The following USP14 variants were observed in gnomAD, a reference collection of about 807,000 sequenced individuals.
The protein encoded by USP14 is ubiquitin specific peptidase 14.
A neutral mutation model predicts 76.5 loss-of-function variants in USP14; 38 were observed. The observed-to-expected ratio is 0.50, with a 90% CI of 0.38 to 0.65. The LOEUF (loss-of-function observed/expected upper bound fraction) is 0.65. Among genes scored for constraint, USP14 ranks in the 30% least tolerant of loss-of-function variants. USP14 has a pLI of 0.00. For missense variants in USP14, 467 were observed against 586.5 expected (o/e 0.80, Z 2.10); for synonymous variants, 192 against 191.7 (o/e 1.00, Z -0.01).
intron 5 of USP14, among the ~76,000 whole-genome samples, chr18:181,003 C>T (rs1435164759): frequency 1.3e-5 from 2 of 151,574 alleles, no homozygotes; most frequent in South Asian, 2.1e-4. Context: ...TTACAGCACA[C>T]GTAACACCTC....
chr18:186,089 A>G (rs1160833709), intron 5 of USP14, among the ~76,000 whole-genome samples: 1 of 152,116 alleles, frequency 6.6e-6, no homozygotes. Flanking sequence ...TTTGATATTC[A>G]CTTTTTCTCA....
chr18:191,290 A>T (rs2086871796), intron 5 of USP14, among the ~76,000 whole-genome samples: 1 of 152,194 alleles, frequency 6.6e-6, no homozygotes, highest in Non-Finnish European at 1.5e-5. Context: ...GAGTCACATC[A>T]GTTTCCGAAA....
At chr18:178,084 G>A (rs1418551216) in intron 3 of USP14, among the ~76,000 whole-genome samples, 1 of 152,126 alleles carries the variant, frequency 6.6e-6, no homozygotes, top group East Asian at 1.9e-4. Flanking sequence ...CAAGTGGTGT[G>A]ATCACAGCTC....
At chr18:172,374 C>T (rs1909488524) in intron 3 of USP14, among the ~76,000 whole-genome samples, 1 of 151,728 alleles carries the variant, frequency 6.6e-6, no homozygotes, top group African/African-American at 2.4e-5. Flanking sequence ...AGACTCTACT[C>T]CTAGTGAAGA....
intron 3 of USP14, among the ~76,000 whole-genome samples, chr18:171,025 A>AATATATATATATATATATAT (rs57888885): frequency 1.6e-3 from 75 of 47,578 alleles, no homozygotes; most frequent in East Asian, 4.6e-3. Context: ...AAAAAAAAAA[A>AATATATATATATATATATAT]ATATATATAT....
intron 10 of USP14, among the ~76,000 whole-genome samples, chr18:201,246 T>G (rs1172860961): frequency 1.3e-5 from 2 of 152,226 alleles, no homozygotes; most frequent in Non-Finnish European, 2.9e-5. Flanking sequence ...GTTGATCCTC[T>G]TTGCTGTCTC....
intron 13 of USP14, among the ~76,000 whole-genome samples, 169 bp downstream of exon 13, chr18:204,861 A>G (rs1487880360): frequency 6.6e-6 from 1 of 151,616 alleles, no homozygotes; most frequent in Non-Finnish European, 1.5e-5. Flanking sequence ...CATCCTCCAT[A>G]TATCAGTGCA....
At chr18:175,143 A>G (rs560328639) in intron 3 of USP14, among the ~76,000 whole-genome samples, 9 of 152,282 alleles carry the variant, frequency 5.9e-5, no homozygotes, top group Admixed American at 3.9e-4. Context: ...TTTATAATTG[A>G]CTTTGTATCC....
Position 158,702 on chromosome 18 carries a change from C to A in USP14, c.4C>A (p.Pro2Thr). Residue 2 changes from proline (P) to threonine (T), a missense_variant, in exon 1 of 16, where the codon CCG becomes ACG. Physicochemically the swap from Pro to Thr is conservative, Grantham distance 38. Transcript: ENST00000261601. ...CCGCCTCCCGCCGCGCCCCGCCATG[C>A]CGCTCTACTCCGGTGAGCCCTGTCC... is the stretch of plus-strand genomic sequence containing the variant. M[P>T]LYSVTVKWGK... 1 of 1,535,118 alleles carries A rather than the reference C, an allele frequency of 6.5e-7. No individual in the cohort carries two copies.
intron 3 of USP14, among the ~76,000 whole-genome samples, chr18:173,022 T>A (rs1438655428): frequency 6.6e-6 from 1 of 152,214 alleles, no homozygotes; most frequent in Non-Finnish European, 1.5e-5. Context: ...AATCTTCGCC[T>A]GTGCCAAGTT....
At chr18:196,022 C>T (rs989302468) in intron 6 of USP14, among the ~76,000 whole-genome samples, 1 of 151,704 alleles carries the variant, frequency 6.6e-6, no homozygotes, top group Admixed American at 6.6e-5. Flanking sequence ...AGAGTAGATA[C>T]ACTTAAAAAT....
At chr18:189,512 C>T (rs549122571) in intron 5 of USP14, among the ~76,000 whole-genome samples, 1 of 151,562 alleles carries the variant, frequency 6.6e-6, no homozygotes, top group Non-Finnish European at 1.5e-5. Flanking sequence ...GAGAAGGAGT[C>T]TCACTCTGCC....
At position 158,572 on chromosome 18, in the gene USP14, C is replaced by T; in HGVS notation, c.-127C>T. ...TGGCCGGTTTGAATGAGACTCGTCGCACCGAAGCCGCCGCCACCACCGCGC... is the reference window on the plus strand; with the variant it reads ...TGGCCGGTTTGAATGAGACTCGTCGTACCGAAGCCGCCGCCACCACCGCGC... On this transcript the variant is annotated 5_prime_UTR_variant, in exon 1 of 16. Transcript: ENST00000261601. 1 of 975,472 alleles carries T rather than the reference C, an allele frequency of 1.0e-6. No homozygotes were observed. The highest frequency in any genetic ancestry group is 1.5e-6 in the Non-Finnish European group (1 of 678,174). 60.4% of individuals were successfully genotyped at this position (975,472 alleles called of 1,614,324 possible).
At chr18:197,542 A>G (rs1468355552) in intron 7 of USP14, 74 bp from the exon 8 acceptor site, 177 of 1,185,426 alleles carry the variant, frequency 1.5e-4, no homozygotes, top group Non-Finnish European at 1.7e-4. Context: ...CCTAGGAGAC[A>G]GTGATTATTT....
rs1446661138 is a variant in USP14 at position 207,029 on chromosome 18, T to A, written c.1164+2337T>A. On this transcript the variant is annotated intron_variant, in intron 13 of 15. Coordinates refer to ENST00000261601, the MANE Select transcript of USP14 (RefSeq NM_005151.4). ...GTGGGTTCAGATTCATTGTTTTGCATGTGAATATCTGGTTGTCTCAGCACC... is the reference window on the plus strand; with the variant it reads ...GTGGGTTCAGATTCATTGTTTTGCAAGTGAATATCTGGTTGTCTCAGCACC... Among the ~76,000 whole-genome samples the A allele has an allele frequency of 2.0e-5, 3 of 146,698 alleles. 1 individual carries two copies. The highest frequency in any genetic ancestry group is 4.7e-5 in the Non-Finnish European group (3 of 64,412).
intron 3 of USP14, among the ~76,000 whole-genome samples, chr18:170,767 G>A (rs985391691): frequency 2.6e-5 from 4 of 151,854 alleles, no homozygotes; most frequent in African/African-American, 9.7e-5. Context: ...ACAGAAAACC[G>A]AACACCGCAT....
At chr18:176,178 CT>C (rs775227727) in intron 3 of USP14, among the ~76,000 whole-genome samples, 22 of 151,726 alleles carry the variant, frequency 1.4e-4, no homozygotes, top group South Asian at 4.1e-4. Flanking sequence ...AACATTTGGC[CT>C]GTTCATTTAT....
intron 5 of USP14, among the ~76,000 whole-genome samples, chr18:191,998 G>T (rs1449710779): frequency 7.2e-6 from 1 of 138,090 alleles, no homozygotes; most frequent in Non-Finnish European, 1.5e-5. Context: ...CCAGTTTGTT[G>T]TACTGTTGTA....
chr18:180,811 C>T (rs1314541007), intron 5 of USP14, among the ~76,000 whole-genome samples: 3 of 151,642 alleles, frequency 2.0e-5, no homozygotes, highest in East Asian at 3.9e-4. Context: ...TTACAGCACA[C>T]GTAACACCTC....
Sources: gnomAD v4.1 joint callset for allele counts (sites outside exome capture counted in the v4.1 genomes callset) on GRCh38, gnomAD v4.1.1 for gene constraint, MANE v1.5 for transcripts, NCBI Gene and HGNC (gene_info 2026-07-23, HGNC 2026-07-21) for gene names.